SGO2: variants seen among roughly 807,000 people sequenced by gnomAD.
SGO2 encodes shugoshin-like 2.
Under a neutral mutation model 99.5 loss-of-function variants are expected in SGO2, and 68 were observed. The ratio of observed to expected loss-of-function variants is 0.68; its 90% CI spans 0.56 to 0.84. The LOEUF (loss-of-function observed/expected upper bound fraction) is 0.84. Ranked by LOEUF, SGO2 falls within the 40% of genes least tolerant of loss-of-function variation. The pLI, the probability that SGO2 is intolerant of heterozygous loss-of-function variation, is 0.00. For synonymous variants in SGO2, 457 were observed against 487.1 expected (o/e 0.94, Z 0.81); for missense variants, 1,350 against 1,436.7 (o/e 0.94, Z 0.97).
intron 1 of SGO2, among the ~76,000 whole-genome samples, chr2:200,530,559 G>A (rs2031322665): frequency 6.6e-6 from 1 of 152,170 alleles, no homozygotes; most frequent in South Asian, 2.1e-4. Flanking sequence ...TGATGAGACT[G>A]TATGAAATCA....
rs748864103 is a variant in SGO2, at chr2:200,571,327, G to A, written c.981G>A (p.Gln327=). The A allele has an allele frequency of 1.9e-6, 3 of 1,612,844 alleles. No individual in the cohort carries two copies. In the South Asian group the frequency reaches 3.3e-5, roughly 18 times the overall value. ...ATACTGAAATGCAAAGAAATAAACA[G>A]GATCTTCCTGGCTTATCTTCTGAGT... ...ETNTEMQRNK[Q]DLPGLSSESA... The change falls in exon 7 of 9, where the codon CAG becomes CAA. Residue 327 remains glutamine, a synonymous_variant. Coordinates refer to ENST00000357799, the MANE Select transcript of SGO2 (RefSeq NM_152524.6).
chr2:200,574,161 G>A (rs2033567923), intron 7 of SGO2, among the ~76,000 whole-genome samples, 184 bp downstream of exon 7: 2 of 152,002 alleles, frequency 1.3e-5, no homozygotes, highest in African/African-American at 2.4e-5. Context: ...CATACTTTGG[G>A]AAATAACAGT....
chr2:200,540,150 T>A (rs2031894716), intron 4 of SGO2, among the ~76,000 whole-genome samples: 1 of 152,246 alleles, frequency 6.6e-6, no homozygotes, highest in Non-Finnish European at 1.5e-5. Context: ...ATTTTTATGA[T>A]ACTTGTTTTA....
At chr2:200,566,835 G>A (rs2033207129) in intron 5 of SGO2, among the ~76,000 whole-genome samples, 1 of 152,226 alleles carries the variant, frequency 6.6e-6, no homozygotes, top group Non-Finnish European at 1.5e-5. Flanking sequence ...GTGCTAGCAA[G>A]AGCGAGGCTC....
At chr2:200,576,128 A>G (rs771962416) in intron 8 of SGO2, 2 of 373,416 alleles carry the variant, frequency 5.4e-6, no homozygotes, top group South Asian at 2.0e-5. Flanking sequence ...AATGATTCTC[A>G]TGGGTATTTT....
At position 200,548,682 on chromosome 2, in the gene SGO2, G is replaced by C. The variant is rs193033916; in HGVS notation, c.473+6018G>C. On this transcript the variant is annotated intron_variant, in intron 5 of 8. Coordinates refer to ENST00000357799, the MANE Select transcript of SGO2 (RefSeq NM_152524.6). ...AAATGAAAAGTTGGTTTTTTGAAAA[G>C]ATAAACAACATTGACAAACCTTTAG... Among the ~76,000 whole-genome samples, 5 of 152,074 alleles carry C rather than the reference G, an allele frequency of 3.3e-5. No individual in the cohort carries two copies. In the East Asian group the frequency reaches 9.6e-4, roughly 29 times the overall value.
At chr2:200,567,722 G>T (rs776523630) in intron 5 of SGO2, among the ~76,000 whole-genome samples, 1 of 152,136 alleles carries the variant, frequency 6.6e-6, no homozygotes. Context: ...GGCCTTTTGT[G>T]TCTGGCTTTT....
In SGO2 at chr2:200,573,678, A is replaced by T. The variant is rs1293193047; in HGVS notation, c.3332A>T (p.Glu1111Val). Residue 1111 changes from glutamate to valine, a missense_variant, in exon 7 of 9, where the codon GAA becomes GTA. Glu to Val is a moderately radical substitution (Grantham distance 121, BLOSUM62 -2). Transcript: ENST00000357799. ...GTTCAGGGAAAGTCTACTGTATCTG[A>T]ACAAGCTGATAAGGAAAACAATTTG... ...DSVQGKSTVS[E>V]QADKENNLEN... The T allele has an allele frequency of 6.2e-7, 1 of 1,613,278 alleles. No individual in the cohort carries two copies. The highest frequency in any genetic ancestry group is 8.5e-7 in the Non-Finnish European group (1 of 1,179,562).
chr2:200,569,891 A>G lies in SGO2; in HGVS notation c.702A>G (p.Arg234=). The change falls in exon 6 of 9, where the codon AGA becomes AGG. Residue 234 remains arginine (R), a splice_region_variant and synonymous_variant. Transcript: ENST00000357799. ...HISSIVDVPP[R]ESHSHSDQSS... is the part of the protein sequence containing the mutation. ...CTTCTATAGTTGATGTACCTCCCAG[A>G]GGTGAGATTGTTTTAAAAATTCATT... 1 of 1,557,754 alleles carries G rather than the reference A, an allele frequency of 6.4e-7. No individual in the cohort carries two copies. The highest frequency in any genetic ancestry group is 8.8e-7 in the Non-Finnish European group (1 of 1,134,358).
At chr2:200,576,788 A>G (rs1265328020) in intron 8 of SGO2, among the ~76,000 whole-genome samples, 2 of 152,206 alleles carry the variant, frequency 1.3e-5, no homozygotes, top group Non-Finnish European at 2.9e-5. Context: ...TATGAATGGA[A>G]TAATAGAATA....
At chr2:200,529,667 C>T (rs568850919) in intron 1 of SGO2, among the ~76,000 whole-genome samples, 4 of 152,276 alleles carry the variant, frequency 2.6e-5, no homozygotes, top group South Asian at 2.1e-4. Context: ...CCTGGGATTA[C>T]GGGCACCTGC....
intron 5 of SGO2, among the ~76,000 whole-genome samples, chr2:200,550,081 C>T (rs371950381): frequency 3.2e-4 from 48 of 152,076 alleles, no homozygotes; most frequent in African/African-American, 1.1e-3. Flanking sequence ...AAAAAGAAGT[C>T]GAGAAAGCAA....
At chr2:200,542,812 T>C (rs2032026258) in intron 5 of SGO2, 148 bp downstream of exon 5, 1 of 550,530 alleles carries the variant, frequency 1.8e-6, no homozygotes, top group South Asian at 4.0e-5. Flanking sequence ...TGTCTTGCTA[T>C]AGGTTGTTTC....
chr2:200,529,504 C>CATTTT (rs1553555458), intron 1 of SGO2, among the ~76,000 whole-genome samples: 7 of 150,996 alleles, frequency 4.6e-5, no homozygotes, highest in Admixed American at 1.3e-4. Context: ...AGTTTTGTTT[C>CATTTT]GTTTTGTTTT....
rs190369262 is a variant in SGO2, at chr2:200,535,151, C to T, written c.289C>T (p.Arg97Cys). The T allele has an allele frequency of 2.1e-5, 32 of 1,525,026 alleles. No individual in the cohort carries two copies. The highest frequency in any genetic ancestry group is 2.6e-5 in the Admixed American group (1 of 38,410). 94.5% of individuals were successfully genotyped at this position (1,525,026 alleles called of 1,614,324 possible). ...ACTGAATTTTGAGAACACATTTCTT[C>T]GCCTAAAGCTAAATAACTTGGTATG... ...EKLNFENTFL[R>C]LKLNNLNKKL... The change falls in exon 3 of 9, where the codon CGC (arginine) becomes TGC (cysteine). Residue 97 changes from arginine to cysteine, a missense_variant. Coordinates refer to ENST00000357799, the MANE Select transcript of SGO2 (RefSeq NM_152524.6).
rs371635703 is a variant in SGO2 at position 200,548,771 on chromosome 2, AC to A, written c.473+6109del. Among the ~76,000 whole-genome samples, 434 of 152,302 alleles carry A rather than the reference AC, an allele frequency of 2.8e-3. 2 individuals are homozygous for A. Among genetic ancestry groups the A allele is most frequent in the Middle Eastern group, 0.01 (3 of 294 alleles). On this transcript the variant is annotated intron_variant, in intron 5 of 8. Coordinates refer to ENST00000357799, the MANE Select transcript of SGO2 (RefSeq NM_152524.6). ...CAAGAGATGAGACATAACACCTCAG[AC>A]CTCAGAAATATAAATAATTATTAGA...
chr2:200,569,703 G>A lies in SGO2; in HGVS notation c.514G>A (p.Glu172Lys). ...TSNDDEDEDK[E>K]KMQCDNNIKS... ...AAATGATGATGAAGATGAAGATAAA[G>A]AGAAAATGCAGTGTGACAACAATAT... The change falls in exon 6 of 9, where the codon GAG becomes AAG. Residue 172 changes from glutamate (E) to lysine (K), a missense_variant. By Grantham distance (56) the Glu-to-Lys change is moderately conservative. Transcript: ENST00000357799. 1 of 1,611,682 alleles carries A rather than the reference G, an allele frequency of 6.2e-7. No individual in the cohort carries two copies. The highest frequency in any genetic ancestry group is 8.5e-7 in the Non-Finnish European group (1 of 1,178,878).
At chr2:200,547,718 GGATAAATAAAT>G (rs1252413277) in intron 5 of SGO2, among the ~76,000 whole-genome samples, 2 of 152,088 alleles carry the variant, frequency 1.3e-5, no homozygotes, top group African/African-American at 4.8e-5. Context: ...GTAGCTGAAT[GGATAAATAAAT>G]GAGACCTACC....
intron 4 of SGO2, among the ~76,000 whole-genome samples, chr2:200,538,956 A>G (rs2031829841): frequency 6.6e-6 from 1 of 151,990 alleles, no homozygotes; most frequent in Non-Finnish European, 1.5e-5. Flanking sequence ...TTTTCTATGC[A>G]TGGAAAAAAA....
Sources: allele counts gnomAD v4.1 joint callset (sites outside exome capture counted in the v4.1 genomes callset), GRCh38; gene constraint gnomAD v4.1.1; transcripts MANE v1.5; gene names NCBI Gene and HGNC (gene_info 2026-07-23, HGNC 2026-07-21).